USP2: variants seen among roughly 807,000 people sequenced by gnomAD.
USP2 encodes the protein ubiquitin carboxyl-terminal hydrolase 2.
USP2 carries 33 observed loss-of-function variants against 72.0 expected under a neutral mutation model. The observed-to-expected ratio is 0.46, with a 90% CI of 0.35 to 0.61. USP2 has a LOEUF of 0.61. Among genes scored for constraint, USP2 ranks in the 20% least tolerant of loss-of-function variants. The probability of loss-of-function intolerance (pLI) is 0.01; values close to 1 mark genes in which losing one functional copy is unlikely to be tolerated. For missense variants in USP2, 691 were observed against 797.8 expected (o/e 0.87, Z 1.61); for synonymous variants, 296 against 312.5 (o/e 0.95, Z 0.56).
At position 119,358,855 on chromosome 11, in the gene USP2, A is replaced by G. The variant is rs770081903; in HGVS notation, c.1173-18T>C. 1.2e-6 allele frequency: 2 copies of G among 1,613,968 alleles called. No homozygotes were observed. Among genetic ancestry groups the G allele is most frequent in the African/African-American group, 1.3e-5 (1 of 75,042 alleles). On this transcript the variant is annotated intron_variant, in intron 6 of 12. Coordinates refer to ENST00000260187, the MANE Select transcript of USP2 (RefSeq NM_004205.5). The stretch of plus-strand genomic sequence containing the variant: ...CGTCATCACTGGGAACCAGAGAGAG[A>G]CAACAATTGGGTCAAAGCTCAAAAC...
At chr11:119,357,936 G>T (rs1463092630) in intron 9 of USP2, 45 bp downstream of exon 9, 2 of 1,613,656 alleles carry the variant, frequency 1.2e-6, no homozygotes, top group South Asian at 1.1e-5. Flanking sequence ...CTTCCCAGTA[G>T]GTCCCACGGA....
At chr11:119,370,122 C>T (rs1177590673) in intron 2 of USP2, among the ~76,000 whole-genome samples, 1 of 152,090 alleles carries the variant, frequency 6.6e-6, no homozygotes, top group East Asian at 1.9e-4. Context: ...TTGTAGTGAG[C>T]CGAGATCGCA....
chr11:119,371,026 T>C (rs7936181), intron 2 of USP2, among the ~76,000 whole-genome samples: 1 of 152,116 alleles, frequency 6.6e-6, no homozygotes, highest in African/African-American at 2.4e-5. Flanking sequence ...TGTAGTTTAG[T>C]CTGCGCTGAG....
At chr11:119,361,733 G>A (rs977116826) in intron 2 of USP2, among the ~76,000 whole-genome samples, 18 of 152,072 alleles carry the variant, frequency 1.2e-4, no homozygotes, top group Non-Finnish European at 2.1e-4. Flanking sequence ...GCACTAACAG[G>A]TAGGGAAGAA....
chr11:119,369,060 C>T (rs554232006), intron 2 of USP2, among the ~76,000 whole-genome samples: 34 of 152,298 alleles, frequency 2.2e-4, no homozygotes, highest in Middle Eastern at 3.4e-3. Context: ...TCCTGGGTCT[C>T]TGCAGGGCTG....
Position 119,377,502 on chromosome 11 carries a change from C to T in USP2, c.-42+3971G>A, listed in dbSNP as rs147552694. On this transcript the variant is annotated intron_variant, in intron 1 of 12. Transcript: ENST00000260187. ...AATGAAAGTGAAGCCAGGTGCAACT[C>T]GAGCCCCAGAACAATACTGATAGGC... Among the ~76,000 whole-genome samples, 161 of 152,272 alleles carry T rather than the reference C, an allele frequency of 1.1e-3. 2 individuals carry two copies. The highest frequency in any genetic ancestry group is 3.7e-3 in the African/African-American group (155 of 41,546).
At chr11:119,376,792 C>T (rs1565314614) in intron 1 of USP2, among the ~76,000 whole-genome samples, 1 of 152,274 alleles carries the variant, frequency 6.6e-6, no homozygotes, top group Non-Finnish European at 1.5e-5. Context: ...TTGAGTACTT[C>T]ACATGCAGCT....
At chr11:119,365,882 C>CTATTT (rs1565308744) in intron 2 of USP2, among the ~76,000 whole-genome samples, 1 of 147,766 alleles carries the variant, frequency 6.8e-6, no homozygotes, top group African/African-American at 2.5e-5. Context: ...ACTATTACCT[C>CTATTT]TATTTTATTT....
At chr11:119,374,186 C>T (rs1950971599) in intron 1 of USP2, among the ~76,000 whole-genome samples, 1 of 152,168 alleles carries the variant, frequency 6.6e-6, no homozygotes, top group Non-Finnish European at 1.5e-5. Context: ...CTGCATGGTC[C>T]CACAGTGAGG....
intron 2 of USP2, among the ~76,000 whole-genome samples, chr11:119,372,054 A>C (rs1950935060): frequency 6.6e-6 from 1 of 152,216 alleles, no homozygotes; most frequent in Admixed American, 6.5e-5. Context: ...TCTCCAGCAG[A>C]GCCTCTTCCC....
intron 2 of USP2, among the ~76,000 whole-genome samples, chr11:119,370,348 T>G (rs141158365): frequency 2.0e-5 from 3 of 152,324 alleles, no homozygotes; most frequent in African/African-American, 7.2e-5. Flanking sequence ...CATTATCTTT[T>G]CATTCCTCAA....
At position 119,369,464 on chromosome 11, in the gene USP2, A is replaced by G. The variant is rs1304993186; in HGVS notation, c.774+3243T>C. On this transcript the variant is annotated intron_variant, in intron 2 of 12. Coordinates refer to ENST00000260187, the MANE Select transcript of USP2 (RefSeq NM_004205.5). ...ATGCCAGCTGTAGCTCCAGTCAGCT[A>G]TCCTGAGAATCCCCTGGGACACAGG... Among the ~76,000 whole-genome samples, 3 of 152,160 alleles carry G rather than the reference A, an allele frequency of 2.0e-5. No homozygotes were observed. In the East Asian group the frequency reaches 5.8e-4, roughly 29 times the overall value.
Position 119,360,232 on chromosome 11 carries a change from A to G in USP2, c.777T>C (p.Asn259=). The change falls in exon 3 of 13, where the codon AAT becomes AAC. Residue 259 remains asparagine, a splice_region_variant and synonymous_variant. Transcript: ENST00000260187. Reference sequence around the variant, plus strand: ...CAGCCAGACCCTGGGCACTCTTAGAATTCTGTAAGCAAAGAACATATGGCA... The same window carrying G: ...CAGCCAGACCCTGGGCACTCTTAGAGTTCTGTAAGCAAAGAACATATGGCA... The part of the protein sequence containing the change: ...RSSSPGRDGM[N]SKSAQGLAGL... 1.9e-6 allele frequency: 3 copies of G among 1,613,936 alleles called. No homozygotes were observed. Among genetic ancestry groups the G allele is most frequent in the Non-Finnish European group, 2.5e-6 (3 of 1,179,950 alleles).
In USP2 at chr11:119,356,562, G is replaced by A; in HGVS notation, c.*273C>T. 2.2e-6 allele frequency: 1 copy of A among 463,676 alleles called. No homozygotes were observed. The highest frequency in any genetic ancestry group is 3.8e-6 in the Non-Finnish European group (1 of 262,170). 28.7% of individuals were successfully genotyped at this position (463,676 alleles called of 1,614,324 possible). ...AGACACAGTTGTTTCTGACACATAG[G>A]AAGACCACAAGTTTACAAATGCAAA... is the stretch of plus-strand genomic sequence containing the variant. On this transcript the variant is annotated 3_prime_UTR_variant, in exon 13 of 13. Transcript: ENST00000260187.
chr11:119,359,282 G>A lies in USP2; in HGVS notation c.1010C>T (p.Ser337Phe), dbSNP rs764646402. The A allele has an allele frequency of 6.2e-7, 1 of 1,614,060 alleles. No homozygotes were observed. The highest frequency in any genetic ancestry group is 2.2e-5 in the East Asian group (1 of 44,876). The change falls in exon 5 of 13, where the codon TCT becomes TTT. Residue 337 changes from serine to phenylalanine, a missense_variant. By Grantham distance (155) the Ser-to-Phe change is radical. Coordinates refer to ENST00000260187, the MANE Select transcript of USP2 (RefSeq NM_004205.5). ...TCTCTGGATCTGGGTCTTGAACTCA[G>A]ATGGGCTCACCACATCATTGGGGGA... ...TSSPNDVVSP[S>F]EFKTQIQRYA...
Position 119,360,224 on chromosome 11 carries a change from C to T in USP2, c.785G>A (p.Ser262Asn). 6.2e-7 allele frequency: 1 copy of T among 1,614,006 alleles called. No individual in the cohort carries two copies. The highest frequency in any genetic ancestry group is 8.5e-7 in the Non-Finnish European group (1 of 1,179,986). ...TCGAAGACCAGCCAGACCCTGGGCA[C>T]TCTTAGAATTCTGTAAGCAAAGAAC... is the stretch of plus-strand genomic sequence containing the variant. ...SPGRDGMNSKSAQGLAGLRNL... is the reference protein window; with the variant it reads ...SPGRDGMNSKNAQGLAGLRNL... The change falls in exon 3 of 13, where the codon AGT (serine) becomes AAT (asparagine). Residue 262 changes from serine to asparagine, a missense_variant. Physicochemically the swap from Ser to Asn is conservative, Grantham distance 46. Coordinates refer to ENST00000260187, the MANE Select transcript of USP2 (RefSeq NM_004205.5).
At chr11:119,361,676 C>G (rs1950767802) in intron 2 of USP2, among the ~76,000 whole-genome samples, 1 of 152,042 alleles carries the variant, frequency 6.6e-6, no homozygotes, top group Admixed American at 6.5e-5. Context: ...ACTGCCTTAC[C>G]GATCCCACAA....
intron 2 of USP2, among the ~76,000 whole-genome samples, chr11:119,365,184 T>G (rs925470279): frequency 6.6e-6 from 1 of 152,162 alleles, no homozygotes. Context: ...GAGGCAGCAG[T>G]GTATGCTGTT....
rs1950696633 is a variant in USP2, at chr11:119,357,984, C to G, written c.1419G>C (p.Lys473Asn). The stretch of plus-strand genomic sequence containing the variant: ...CTATTACCGAAGGGTGACTTACTGG[C>G]TTTTCATCTCCATCAAGCACATCCT... Reference protein sequence around the residue: ...TKEDVLDGDEKPTCCRCRGRK... With the variant: ...TKEDVLDGDENPTCCRCRGRK... The change falls in exon 9 of 13, where the codon AAG becomes AAC. Residue 473 changes from lysine to asparagine, a missense_variant. Coordinates refer to ENST00000260187, the MANE Select transcript of USP2 (RefSeq NM_004205.5). 2 of 1,614,074 alleles carry G rather than the reference C, an allele frequency of 1.2e-6. No homozygotes were observed. Among genetic ancestry groups the G allele is most frequent in the Non-Finnish European group, 1.7e-6 (2 of 1,180,056 alleles).
Sources: allele counts gnomAD v4.1 joint callset (sites outside exome capture counted in the v4.1 genomes callset), GRCh38; gene constraint gnomAD v4.1.1; transcripts MANE v1.5; gene names NCBI Gene and HGNC (gene_info 2026-07-23, HGNC 2026-07-21).